DGKD: variants seen among roughly 807,000 people sequenced by gnomAD.
DGKD encodes diacylglycerol kinase delta.
Under a neutral mutation model 154.4 loss-of-function variants are expected in DGKD, and 68 were observed. The ratio of observed to expected loss-of-function variants is 0.44; its 90% CI spans 0.36 to 0.54. DGKD has a LOEUF of 0.54. Among genes scored for constraint, DGKD ranks in the 20% least tolerant of loss-of-function variants. The pLI, the probability that DGKD is intolerant of heterozygous loss-of-function variation, is 0.00. For synonymous variants in DGKD, 693 were observed against 638.0 expected (o/e 1.09, Z -1.30); for missense variants, 1,343 against 1,593.6 (o/e 0.84, Z 2.68).
At chr2:233,443,410 CTGCAGATATT>C (rs1325118773) in intron 10 of DGKD, among the ~76,000 whole-genome samples, 1 of 152,042 alleles carries the variant, frequency 6.6e-6, no homozygotes, top group Admixed American at 6.6e-5. Context: ...TTATCTGTCA[CTGCAGATATT>C]TTTTTCCCGG....
chr2:233,420,334 T>G (rs1355089421), intron 3 of DGKD, among the ~76,000 whole-genome samples: 1 of 151,960 alleles, frequency 6.6e-6, no homozygotes, highest in African/African-American at 2.4e-5. Context: ...TGTTAGCATA[T>G]TTTTGTGCCA....
rs574831038 is a variant in DGKD at position 233,405,667 on chromosome 2, G to A, written c.348+15184G>A. 1.2e-4 allele frequency among the ~76,000 whole-genome samples: 18 copies of A among 152,256 alleles called. No homozygotes were observed. In the South Asian group the frequency reaches 2.7e-3, roughly 23 times the overall value. ...CCTTGTTCTCACTGTCACCTTTGAC[G>A]CAGCATGAAGCCCCTCACCAGATGC... is the stretch of plus-strand genomic sequence containing the variant. On this transcript the variant is annotated intron_variant, in intron 3 of 29. Coordinates refer to ENST00000264057, the MANE Select transcript of DGKD (RefSeq NM_152879.3).
chr2:233,422,654 C>T (rs949728556), intron 3 of DGKD, among the ~76,000 whole-genome samples: 6 of 152,352 alleles, frequency 3.9e-5, no homozygotes, highest in South Asian at 2.1e-4. Context: ...TGCCCACATA[C>T]GCCCTTGTCC....
chr2:233,455,525 A>T (rs2063433210), intron 19 of DGKD, among the ~76,000 whole-genome samples: 1 of 152,140 alleles, frequency 6.6e-6, no homozygotes, highest in South Asian at 2.1e-4. Context: ...CTCCCTCCCC[A>T]CCCCACAGTA....
At chr2:233,357,554 T>C (rs1344992436) in intron 1 of DGKD, among the ~76,000 whole-genome samples, 2 of 150,536 alleles carry the variant, frequency 1.3e-5, no homozygotes, top group Non-Finnish European at 3.0e-5. Flanking sequence ...TTTTTTTTTT[T>C]TGAGACAAGG....
At chr2:233,428,302 G>A (rs1240215211) in intron 3 of DGKD, among the ~76,000 whole-genome samples, 1 of 152,162 alleles carries the variant, frequency 6.6e-6, no homozygotes, top group African/African-American at 2.4e-5. Flanking sequence ...AGGCCCAGTT[G>A]TGTCCCCTCT....
chr2:233,388,160 A>G, intron 1 of DGKD, 97 bp from the exon 2 acceptor site: 3 of 1,558,724 alleles, frequency 1.9e-6, no homozygotes, highest in Non-Finnish European at 2.6e-6. Flanking sequence ...TGTTAGAGAC[A>G]CGAATATGTT....
At chr2:233,427,617 T>C (rs1487804520) in intron 3 of DGKD, among the ~76,000 whole-genome samples, 2 of 152,210 alleles carry the variant, frequency 1.3e-5, no homozygotes, top group Non-Finnish European at 2.9e-5. Context: ...GCTGAGATTA[T>C]AGGCGTAAGC....
chr2:233,416,693 T>C (rs1186667060), intron 3 of DGKD, among the ~76,000 whole-genome samples: 17 of 152,210 alleles, frequency 1.1e-4, no homozygotes, highest in Admixed American at 1.1e-3. Context: ...TTTCTCTCCC[T>C]CCACCCCATC....
intron 1 of DGKD, among the ~76,000 whole-genome samples, chr2:233,370,374 T>C (rs1702248387): frequency 6.6e-6 from 1 of 151,960 alleles, no homozygotes. Context: ...CCACCATGCC[T>C]GGCTAATTTT....
Position 233,388,320 on chromosome 2 carries a change from T to G in DGKD, c.220T>G (p.Tyr74Asp). The change falls in exon 2 of 30, where the codon TAC (tyrosine) becomes GAC (aspartate). Residue 74 changes from tyrosine to aspartate, a missense_variant. By Grantham distance (160) the Tyr-to-Asp change is radical. Transcript: ENST00000264057. ...NNSFQRSKRR[Y>D]FKLRGRTLYY... is the part of the protein sequence containing the mutation. ...TTCATTCCAGCGATCAAAAAGGAGA[T>G]ACTTTAAGCTTCGAGGGCGAACGCT... 10 of 1,614,080 alleles carry G rather than the reference T, an allele frequency of 6.2e-6. No homozygotes were observed. The highest frequency in any genetic ancestry group is 8.5e-6 in the Non-Finnish European group (10 of 1,180,022).
At chr2:233,425,885 A>C (rs914961837) in intron 3 of DGKD, among the ~76,000 whole-genome samples, 6 of 152,358 alleles carry the variant, frequency 3.9e-5, no homozygotes, top group Non-Finnish European at 8.8e-5. Flanking sequence ...GTGATTTCTC[A>C]TGAAGATACA....
chr2:233,433,942 G>T (rs1234440093), intron 3 of DGKD, among the ~76,000 whole-genome samples: 1 of 152,220 alleles, frequency 6.6e-6, no homozygotes, highest in Non-Finnish European at 1.5e-5. Flanking sequence ...ACATTTATAT[G>T]TGATACATGC....
intron 3 of DGKD, among the ~76,000 whole-genome samples, chr2:233,394,761 G>A (rs1370967934): frequency 1.5e-5 from 2 of 131,232 alleles, no homozygotes; most frequent in African/African-American, 2.9e-5. Context: ...AGGCTGGAAT[G>A]CGGTGGTACA....
chr2:233,369,431 CTT>C (rs947071736), intron 1 of DGKD, among the ~76,000 whole-genome samples: 24 of 152,214 alleles, frequency 1.6e-4, no homozygotes, highest in African/African-American at 5.3e-4. Context: ...TGCTCCCTGT[CTT>C]TTAAAAACAT....
chr2:233,396,824 G>C (rs1396620011), intron 3 of DGKD, among the ~76,000 whole-genome samples: 1 of 152,170 alleles, frequency 6.6e-6, no homozygotes, highest in East Asian at 1.9e-4. Context: ...GCAGTGCGAA[G>C]ACCTTGGGAT....
intron 1 of DGKD, chr2:233,385,997 G>T (rs1005857808): frequency 4.5e-6 from 2 of 446,304 alleles, no homozygotes; most frequent in African/African-American, 4.1e-5. Flanking sequence ...GCGTGTGCGT[G>T]TGTGTGCGTG....
intron 1 of DGKD, among the ~76,000 whole-genome samples, chr2:233,364,352 G>A (rs1701926250): frequency 6.6e-6 from 1 of 152,198 alleles, no homozygotes; most frequent in Non-Finnish European, 1.5e-5. Context: ...AAATGCTCAA[G>A]TTAAGCGTTA....
Position 233,438,980 on chromosome 2 carries a change from CAG to C in DGKD, c.1085+604_1085+605del, listed in dbSNP as rs2062804221. The stretch of plus-strand genomic sequence containing the variant: ...GGAACACGTAAGGGCGGCGTTGGGC[CAG>C]AGCGATTTCCACTGTGCATCAGCAG... On this transcript the variant is annotated intron_variant, in intron 9 of 29. Coordinates refer to ENST00000264057, the MANE Select transcript of DGKD (RefSeq NM_152879.3). This position sits in a 1 kb window ranked among gnomAD's most constrained non-coding sequence, Gnocchi z 4.1. Among the ~76,000 whole-genome samples the C allele has an allele frequency of 6.6e-6, 1 of 152,228 alleles. No individual in the cohort carries two copies. Among genetic ancestry groups the C allele is most frequent in the Non-Finnish European group, 1.5e-5 (1 of 68,040 alleles).
Sources: allele counts gnomAD v4.1 joint callset (sites outside exome capture counted in the v4.1 genomes callset), GRCh38; gene constraint gnomAD v4.1.1; non-coding constraint Gnocchi (gnomAD v3.1); transcripts MANE v1.5; gene names NCBI Gene and HGNC (gene_info 2026-07-23, HGNC 2026-07-21).